Variants in ABCD3 observed in about 807,000 individuals in gnomAD.
ABCD3 encodes ATP-binding cassette sub-family D member 3.
A neutral mutation model predicts 105.5 loss-of-function variants in ABCD3; 41 were observed. That is an observed-to-expected ratio of 0.39 (90% CI 0.30 to 0.50). The LOEUF (loss-of-function observed/expected upper bound fraction) is 0.50, where lower values mean the gene tolerates loss of function less well. Among genes scored for constraint, ABCD3 ranks in the 20% least tolerant of loss-of-function variants. The pLI, the probability that ABCD3 is intolerant of heterozygous loss-of-function variation, is 0.84. For missense variants in ABCD3, 622 were observed against 806.3 expected (o/e 0.77, Z 2.77); for synonymous variants, 258 against 269.0 (o/e 0.96, Z 0.40).
intron 16 of ABCD3, among the ~76,000 whole-genome samples, chr1:94,494,023 A>T: frequency 6.6e-6 from 1 of 152,160 alleles, no homozygotes; most frequent in East Asian, 1.9e-4. Flanking sequence ...GCAGCACACC[A>T]GCATGTCACA....
intron 1 of ABCD3, among the ~76,000 whole-genome samples, chr1:94,429,379 G>A (rs1239153496): frequency 6.6e-6 from 1 of 152,208 alleles, no homozygotes; most frequent in Non-Finnish European, 1.5e-5. Flanking sequence ...GTAACAAGGA[G>A]CCAAAAGTTA....
chr1:94,483,969 A>G (rs1214746595), intron 10 of ABCD3, among the ~76,000 whole-genome samples: 2 of 152,238 alleles, frequency 1.3e-5, no homozygotes, highest in East Asian at 1.9e-4. Flanking sequence ...CCCATCAAAA[A>G]GTGGGCAAAG....
At chr1:94,486,684 G>A (rs2101018311) in intron 10 of ABCD3, among the ~76,000 whole-genome samples, 1 of 152,314 alleles carries the variant, frequency 6.6e-6, no homozygotes, top group South Asian at 2.1e-4. Flanking sequence ...AGCTACTTTA[G>A]CTGGAATGGC....
chr1:94,488,277 G>A (rs1044860181), intron 13 of ABCD3, among the ~76,000 whole-genome samples: 1 of 152,026 alleles, frequency 6.6e-6, no homozygotes. Flanking sequence ...AGAAAACTAT[G>A]TTTATGAATA....
At chr1:94,415,479 A>G (rs1658983266), upstream of ABCD3, among the ~76,000 whole-genome samples, 2 of 152,342 alleles carry the variant, frequency 1.3e-5, no homozygotes, top group South Asian at 2.1e-4. Context: ...GTTAATTATC[A>G]AAGGACATAG....
intron 10 of ABCD3, among the ~76,000 whole-genome samples, chr1:94,487,033 CTG>C (rs903700059): frequency 1.3e-5 from 2 of 152,176 alleles, no homozygotes; most frequent in African/African-American, 4.8e-5. Context: ...AAAGCTAAAA[CTG>C]AGGCTGTGTG....
chr1:94,460,398 G>C (rs1334636030), intron 2 of ABCD3, among the ~76,000 whole-genome samples: 1 of 152,012 alleles, frequency 6.6e-6, no homozygotes, highest in Admixed American at 6.6e-5. Context: ...CTTTGTTTCT[G>C]GTTATTCAGC....
chr1:94,466,640 T>G (rs575746558), intron 3 of ABCD3, among the ~76,000 whole-genome samples: 2 of 152,336 alleles, frequency 1.3e-5, no homozygotes, highest in Non-Finnish European at 2.9e-5. Context: ...TGCTTATCTT[T>G]TTTGTGAATA....
At chr1:94,398,364 A>G in the ABCD3 span, among the ~76,000 whole-genome samples, 1 of 152,142 alleles carries the variant, frequency 6.6e-6, no homozygotes, top group Non-Finnish European at 1.5e-5. Context: ...ACCCTAATAT[A>G]CCTATAAAAT....
In ABCD3 at chr1:94,464,870, A is replaced by G; in HGVS notation, c.243A>G (p.Lys81=). 6.2e-7 allele frequency: 1 copy of G among 1,611,670 alleles called. No individual in the cohort carries two copies. The highest frequency in any genetic ancestry group is 8.5e-7 in the Non-Finnish European group (1 of 1,177,834). ...LKIMVPRTFC[K]ETGYLVLIAV... ...TCATGGTCCCTAGAACATTTTGTAA[A>G]GAGGTAAGTCTTATGAAATTATAAT... The change falls in exon 3 of 23, where the codon AAA becomes AAG. Residue 81 remains lysine (K), a synonymous_variant. Transcript: ENST00000370214.
intron 16 of ABCD3, among the ~76,000 whole-genome samples, chr1:94,492,884 G>C (rs1649600891): frequency 6.6e-6 from 1 of 152,116 alleles, no homozygotes; most frequent in Non-Finnish European, 1.5e-5. Context: ...CCACACTAAA[G>C]CTGTCACTTT....
At chr1:94,459,244 A>G (rs1369436990) in intron 2 of ABCD3, among the ~76,000 whole-genome samples, 1 of 151,876 alleles carries the variant, frequency 6.6e-6, no homozygotes, top group Non-Finnish European at 1.5e-5. Flanking sequence ...ATATTTGAAG[A>G]TAGTTGTATC....
intron 1 of ABCD3, among the ~76,000 whole-genome samples, chr1:94,429,898 T>G (rs1659608773): frequency 1.3e-5 from 2 of 152,060 alleles, no homozygotes; most frequent in African/African-American, 4.8e-5. Context: ...CCCAGAAGGG[T>G]AGATCCACCA....
intron 1 of ABCD3, among the ~76,000 whole-genome samples, chr1:94,452,585 A>C (rs541660077): frequency 1.8e-4 from 28 of 152,342 alleles, no homozygotes; most frequent in Non-Finnish European, 2.9e-4. Context: ...TTTAAATTTT[A>C]ATGATAAGGT....
chr1:94,478,940 GTTATC>G (rs1343859545), intron 8 of ABCD3, among the ~76,000 whole-genome samples: 1 of 152,070 alleles, frequency 6.6e-6, no homozygotes, highest in African/African-American at 2.4e-5. Context: ...TTTTCTTTGA[GTTATC>G]TTATTGAAAT....
intron 1 of ABCD3, among the ~76,000 whole-genome samples, chr1:94,450,473 C>T (rs1294199650): frequency 6.6e-6 from 1 of 152,260 alleles, no homozygotes; most frequent in Non-Finnish European, 1.5e-5. Context: ...GGGCGGAAAA[C>T]CGCTTAAGGC....
intron 1 of ABCD3, among the ~76,000 whole-genome samples, chr1:94,425,339 C>T (rs1391099307): frequency 6.6e-6 from 1 of 152,188 alleles, no homozygotes; most frequent in Non-Finnish European, 1.5e-5. Flanking sequence ...AAGCATACCT[C>T]TTTCCTATAT....
rs370087408 is a variant in ABCD3 at position 94,468,021 on chromosome 1, C to T, written c.335+14C>T. The T allele has an allele frequency of 3.2e-5, 50 of 1,548,094 alleles. No individual in the cohort carries two copies. Among genetic ancestry groups the T allele is most frequent in the Non-Finnish European group, 4.4e-5 (49 of 1,120,342 alleles). ...ACTAATTGAAAGGTACTTTTTCAAT[C>T]ACCTTCCTCCTATATGTATGAAATG... is the stretch of plus-strand genomic sequence containing the variant. On this transcript the variant is annotated intron_variant, in intron 4 of 22. Coordinates refer to ENST00000370214, the MANE Select transcript of ABCD3 (RefSeq NM_002858.4).
chr1:94,420,343 C>G (rs910516747), intron 1 of ABCD3, among the ~76,000 whole-genome samples: 10 of 152,244 alleles, frequency 6.6e-5, no homozygotes, highest in Non-Finnish European at 1.3e-4. Flanking sequence ...TAAACAGAAT[C>G]TATTGGGAAA....
Sources: gnomAD v4.1 joint callset for allele counts (sites outside exome capture counted in the v4.1 genomes callset) on GRCh38, gnomAD v4.1.1 for gene constraint, MANE v1.5 for transcripts, NCBI Gene and HGNC (gene_info 2026-07-23, HGNC 2026-07-21) for gene names.